PDE7B: variants seen among roughly 807,000 people sequenced by gnomAD.
PDE7B encodes the protein 3',5'-cyclic-AMP phosphodiesterase 7B.
A neutral mutation model predicts 56.2 loss-of-function variants in PDE7B; 29 were observed. The ratio of observed to expected loss-of-function variants is 0.52; its 90% CI spans 0.38 to 0.70. The LOEUF (loss-of-function observed/expected upper bound fraction) is 0.70, where lower values mean the gene tolerates loss of function less well. Among genes scored for constraint, PDE7B ranks in the 30% least tolerant of loss-of-function variants. The probability of loss-of-function intolerance (pLI) is 0.00; values close to 1 mark genes in which losing one functional copy is unlikely to be tolerated. For missense variants in PDE7B, 490 were observed against 565.0 expected, an observed-to-expected ratio of 0.87 and a Z score of 1.35; for synonymous variants, 197 against 196.9, an observed-to-expected ratio of 1.00 and a Z score of 0.00.
chr6:135,937,896 C>G (rs1774448521), intron 1 of PDE7B, among the ~76,000 whole-genome samples: 1 of 152,216 alleles, frequency 6.6e-6, no homozygotes, highest in Non-Finnish European at 1.5e-5. Context: ...CTTGTACACA[C>G]TACCACCAAA....
At chr6:136,102,740 A>G (rs1777584053) in intron 2 of PDE7B, among the ~76,000 whole-genome samples, 1 of 152,190 alleles carries the variant, frequency 6.6e-6, no homozygotes, top group Non-Finnish European at 1.5e-5. Context: ...CTGAAAAACT[A>G]TCAAGCTCAA....
chr6:135,872,644 G>A (rs1775407382), intron 1 of PDE7B, among the ~76,000 whole-genome samples: 1 of 152,108 alleles, frequency 6.6e-6, no homozygotes, highest in South Asian at 2.1e-4. Context: ...ACCTAACAAA[G>A]TCTCACAAGG....
At chr6:136,082,606 C>T (rs1777224037) in intron 2 of PDE7B, among the ~76,000 whole-genome samples, 1 of 152,178 alleles carries the variant, frequency 6.6e-6, no homozygotes, top group South Asian at 2.1e-4. Flanking sequence ...TTGCCAAATG[C>T]CTCGGCTATG....
At chr6:136,153,868 C>T (rs1221698455) in intron 6 of PDE7B, among the ~76,000 whole-genome samples, 2 of 152,112 alleles carry the variant, frequency 1.3e-5, no homozygotes, top group Non-Finnish European at 2.9e-5. Flanking sequence ...TGGCCTTTCT[C>T]CCCTCTGCTG....
intron 8 of PDE7B, among the ~76,000 whole-genome samples, chr6:136,159,117 C>G (rs1464776313): frequency 6.6e-6 from 1 of 152,268 alleles, no homozygotes; most frequent in South Asian, 2.1e-4. Flanking sequence ...CTTTCTTAGT[C>G]ATTTATCACA....
intron 1 of PDE7B, among the ~76,000 whole-genome samples, chr6:135,857,695 G>A (rs1355109165): frequency 2.6e-5 from 4 of 152,064 alleles, no homozygotes; most frequent in Admixed American, 6.6e-5. Flanking sequence ...GAAACAACTT[G>A]AGCCCAATAA....
At chr6:136,133,989 C>T (rs1391580750) in intron 3 of PDE7B, among the ~76,000 whole-genome samples, 4 of 152,004 alleles carry the variant, frequency 2.6e-5, no homozygotes, top group African/African-American at 4.8e-5. Context: ...AGTAAGTTGG[C>T]CTCATATTGT....
chr6:136,053,672 C>A lies in PDE7B; in HGVS notation c.83-55059C>A, dbSNP rs191500973. 6.6e-5 allele frequency among the ~76,000 whole-genome samples: 10 copies of A among 152,318 alleles called. No individual in the cohort carries two copies. In the East Asian group the frequency reaches 1.9e-3, roughly 29 times the overall value. On this transcript the variant is annotated intron_variant, in intron 2 of 12. Transcript: ENST00000308191. ...ATGGTTAAGCTAGTTTACAGTCCCA[C>A]CAACATTGTAAAAGTGTTCCTATTT...
intron 2 of PDE7B, among the ~76,000 whole-genome samples, chr6:136,079,458 A>T (rs902169984): frequency 1.3e-5 from 2 of 152,190 alleles, no homozygotes; most frequent in African/African-American, 4.8e-5. Context: ...ATAACATTTC[A>T]ATGGCTCCAG....
At chr6:135,973,289 G>A (rs1353040717) in intron 2 of PDE7B, among the ~76,000 whole-genome samples, 6 of 152,078 alleles carry the variant, frequency 3.9e-5, no homozygotes, top group Non-Finnish European at 5.9e-5. Flanking sequence ...GTTCTTCCAT[G>A]TTGTCACAAA....
intron 1 of PDE7B, among the ~76,000 whole-genome samples, chr6:135,915,675 C>T (rs1475781684): frequency 1.3e-5 from 2 of 152,170 alleles, no homozygotes; most frequent in Non-Finnish European, 2.9e-5. Flanking sequence ...CATGCCAGGC[C>T]CCCGGAAATC....
intron 1 of PDE7B, among the ~76,000 whole-genome samples, chr6:135,915,649 C>T (rs758760974): frequency 6.6e-6 from 1 of 152,162 alleles, no homozygotes; most frequent in South Asian, 2.1e-4. Flanking sequence ...ACACACACCA[C>T]GTCCAGGTAT....
rs146817389 is a variant in PDE7B at position 135,950,138 on chromosome 6, A to G, written c.82+2614A>G. ...CAAAATGATCCTAGATGATAAAAGAAAGAAGTAAAGTTTAATGGTTTATTC... is the reference window on the plus strand; with the variant it reads ...CAAAATGATCCTAGATGATAAAAGAGAGAAGTAAAGTTTAATGGTTTATTC... On this transcript the variant is annotated intron_variant, in intron 2 of 12. Coordinates refer to ENST00000308191, the MANE Select transcript of PDE7B (RefSeq NM_018945.4). 9.8e-3 allele frequency among the ~76,000 whole-genome samples: 1,495 copies of G among 152,246 alleles called. 25 individuals carry two copies. Among genetic ancestry groups the G allele is most frequent in the African/African-American group, 0.034 (1,397 of 41,556 alleles).
intron 2 of PDE7B, among the ~76,000 whole-genome samples, chr6:135,965,850 TGAG>T (rs1774988675): frequency 6.6e-6 from 1 of 152,090 alleles, no homozygotes; most frequent in Non-Finnish European, 1.5e-5. Flanking sequence ...GGAGTCCTCA[TGAG>T]GACTGTAGAT....
chr6:135,926,906 C>T (rs1317702555), intron 1 of PDE7B, among the ~76,000 whole-genome samples: 1 of 152,106 alleles, frequency 6.6e-6, no homozygotes, highest in East Asian at 1.9e-4. Flanking sequence ...TCCGCATAAT[C>T]TTTATGAATT....
At chr6:135,959,779 G>T (rs557643135) in intron 2 of PDE7B, among the ~76,000 whole-genome samples, 47 of 150,570 alleles carry the variant, frequency 3.1e-4, no homozygotes, top group African/African-American at 1.1e-3. Context: ...AAAAAAAAAA[G>T]TTTACATTTT....
chr6:135,910,790 G>A (rs1420871628), intron 1 of PDE7B, among the ~76,000 whole-genome samples: 1 of 150,888 alleles, frequency 6.6e-6, no homozygotes, highest in Non-Finnish European at 1.5e-5. Context: ...CCCTGCCCCC[G>A]CATCTAACCC....
At chr6:135,899,826 A>G (rs1229695608) in intron 1 of PDE7B, among the ~76,000 whole-genome samples, 1 of 152,188 alleles carries the variant, frequency 6.6e-6, no homozygotes, top group Non-Finnish European at 1.5e-5. Flanking sequence ...GTCATTGCAC[A>G]TATGATAAAA....
chr6:136,155,886 A>C (rs766778762), intron 8 of PDE7B, 128 bp downstream of exon 8: 35 of 1,000,496 alleles, frequency 3.5e-5, no homozygotes, highest in Non-Finnish European at 5.5e-5. Flanking sequence ...CGAATGAAAC[A>C]CAATCTCTGC....
Sources: gnomAD v4.1 joint callset for allele counts (sites outside exome capture counted in the v4.1 genomes callset) on GRCh38, gnomAD v4.1.1 for gene constraint, MANE v1.5 for transcripts, NCBI Gene and HGNC (gene_info 2026-07-23, HGNC 2026-07-21) for gene names.